Variants in FABP7 observed in about 807,000 individuals in gnomAD.
FABP7 encodes fatty acid binding protein 7.
A neutral mutation model predicts 14.2 loss-of-function variants in FABP7; 13 were observed. That is an observed-to-expected ratio of 0.91 (90% CI 0.59 to 1.45). The LOEUF (loss-of-function observed/expected upper bound fraction) is 1.45. FABP7 is among the 40% of genes most tolerant of loss of function. The probability of loss-of-function intolerance (pLI) is 0.00; values close to 1 mark genes in which losing one functional copy is unlikely to be tolerated. For synonymous variants in FABP7, 49 were observed against 51.4 expected, an observed-to-expected ratio of 0.95 and a Z score of 0.20; for missense variants, 149 against 157.6, an observed-to-expected ratio of 0.95 and a Z score of 0.29.
the FABP7 span, among the ~76,000 whole-genome samples, chr6:122,766,204 CT>C: frequency 1.3e-5 from 2 of 152,056 alleles, no homozygotes; most frequent in Non-Finnish European, 2.9e-5. Context: ...TTCCCTGAGG[CT>C]TTTTAACATA....
Position 122,780,151 on chromosome 6 carries a change from T to G in FABP7, c.74-140T>G, listed in dbSNP as rs114503946. The G allele has an allele frequency of 9.9e-4, 942 of 948,788 alleles. 10 individuals carry two copies. The African/African-American group carries it at 0.014, about 14-fold the overall frequency. The allele number at this position is 948,788 out of a possible 1,614,324, so 58.8% of individuals were successfully genotyped here. A position where few individuals can be genotyped will look rare whatever the true frequency, so the allele number is the denominator to read the frequency against. ...CATCCACTTATTATCACAGTAGTGT[T>G]TTACATGATTAATGGGCTAATCATG... is the stretch of plus-strand genomic sequence containing the variant. On this transcript the variant is annotated intron_variant, in intron 1 of 3. Coordinates refer to ENST00000368444, the MANE Select transcript of FABP7 (RefSeq NM_001446.5).
the FABP7 span, among the ~76,000 whole-genome samples, chr6:122,756,824 C>T: frequency 6.6e-6 from 1 of 152,336 alleles, no homozygotes; most frequent in South Asian, 2.1e-4. Flanking sequence ...GGTGACCACT[C>T]ACTCCTTAGA....
chr6:122,769,720 A>G, the FABP7 span, among the ~76,000 whole-genome samples: 1 of 152,132 alleles, frequency 6.6e-6, no homozygotes, highest in African/African-American at 2.4e-5. Context: ...TCTCGAATGG[A>G]GACTTCTCTG....
the FABP7 span, among the ~76,000 whole-genome samples, chr6:122,752,252 C>T: frequency 6.6e-6 from 1 of 152,322 alleles, no homozygotes; most frequent in African/African-American, 2.4e-5. Flanking sequence ...ATTGACTTCT[C>T]ATTTAGATGT....
the FABP7 span, among the ~76,000 whole-genome samples, chr6:122,770,398 A>T: frequency 6.6e-6 from 1 of 152,104 alleles, no homozygotes; most frequent in African/African-American, 2.4e-5. Context: ...ATATGGAGGC[A>T]GTCTTGGCAT....
At position 122,781,204 on chromosome 6, in the gene FABP7, G is replaced by C; in HGVS notation, c.348+10G>C. ...TGGCAAAATGGTTATGGTAAGTAAT[G>C]ACAATTCTCCATTCTTCCTTGTTTT... On this transcript the variant is annotated intron_variant, in intron 3 of 3. Coordinates refer to ENST00000368444, the MANE Select transcript of FABP7 (RefSeq NM_001446.5). The C allele has an allele frequency of 6.2e-7, 1 of 1,613,674 alleles. No homozygotes were observed. Among genetic ancestry groups the C allele is most frequent in the Non-Finnish European group, 8.5e-7 (1 of 1,179,724 alleles).
At chr6:122,757,454 C>T in the FABP7 span, among the ~76,000 whole-genome samples, 1 of 152,004 alleles carries the variant, frequency 6.6e-6, no homozygotes, top group Admixed American at 6.6e-5. Context: ...CCCTAGGCCC[C>T]TGTCCCTGTC....
At chr6:122,763,806 G>A in the FABP7 span, among the ~76,000 whole-genome samples, 8 of 152,170 alleles carry the variant, frequency 5.3e-5, no homozygotes, top group African/African-American at 1.7e-4. Context: ...ATCATCACTG[G>A]TCATCAGAGA....
At chr6:122,756,156 C>T in the FABP7 span, among the ~76,000 whole-genome samples, 1 of 152,106 alleles carries the variant, frequency 6.6e-6, no homozygotes, top group Non-Finnish European at 1.5e-5. Context: ...ACAAGCTATT[C>T]AGATAAACTC....
chr6:122,764,789 A>C, the FABP7 span, among the ~76,000 whole-genome samples: 4 of 152,158 alleles, frequency 2.6e-5, no homozygotes, highest in Non-Finnish European at 1.5e-5. Flanking sequence ...TCATTGCCTT[A>C]AAGTGTTTGC....
At chr6:122,756,167 C>T in the FABP7 span, among the ~76,000 whole-genome samples, 2 of 152,114 alleles carry the variant, frequency 1.3e-5, no homozygotes, top group Non-Finnish European at 2.9e-5. Flanking sequence ...AGATAAACTC[C>T]CCTGCATTCT....
the FABP7 span, among the ~76,000 whole-genome samples, chr6:122,774,530 G>T: frequency 3.9e-5 from 6 of 151,982 alleles, no homozygotes; most frequent in Non-Finnish European, 1.5e-5. Context: ...CTATTTGAAA[G>T]CAACCATTCT....
chr6:122,773,458 T>C, the FABP7 span, among the ~76,000 whole-genome samples: 1 of 152,208 alleles, frequency 6.6e-6, no homozygotes, highest in East Asian at 1.9e-4. Context: ...TAAATTCTTT[T>C]TGCCAACCCT....
At chr6:122,752,298 A>G in the FABP7 span, among the ~76,000 whole-genome samples, 2 of 152,226 alleles carry the variant, frequency 1.3e-5, no homozygotes, top group African/African-American at 4.8e-5. Flanking sequence ...AAGGGTGAGA[A>G]TTAGTTTTCT....
the FABP7 span, among the ~76,000 whole-genome samples, chr6:122,755,934 T>C: frequency 6.8e-4 from 103 of 151,978 alleles, no homozygotes; most frequent in African/African-American, 2.2e-3. Context: ...CTGTAAAGAG[T>C]CACAGCGGCT....
At chr6:122,779,076 G>C (rs1488491443), upstream of FABP7, among the ~76,000 whole-genome samples, 1 of 152,064 alleles carries the variant, frequency 6.6e-6, no homozygotes, top group South Asian at 2.1e-4. Context: ...TTTGTGTTGG[G>C]AAAGGACCCA....
intron 3 of FABP7, chr6:122,782,032 C>G: frequency 1.0e-6 from 1 of 984,478 alleles, no homozygotes; most frequent in Non-Finnish European, 1.2e-6. Flanking sequence ...GATTACAGGC[C>G]TGAGCCAAGG....
At chr6:122,758,761 C>T in the FABP7 span, among the ~76,000 whole-genome samples, 1 of 152,066 alleles carries the variant, frequency 6.6e-6, no homozygotes, top group African/African-American at 2.4e-5. Flanking sequence ...ATCTCATTGT[C>T]TCCACATTAT....
chr6:122,757,821 C>T, the FABP7 span, among the ~76,000 whole-genome samples: 1 of 151,942 alleles, frequency 6.6e-6, no homozygotes, highest in East Asian at 1.9e-4. Context: ...TGTTAAGGTG[C>T]CGGAATAAAA....
Sources: gnomAD v4.1 joint callset for allele counts (sites outside exome capture counted in the v4.1 genomes callset) on GRCh38, gnomAD v4.1.1 for gene constraint, MANE v1.5 for transcripts, NCBI Gene and HGNC (gene_info 2026-07-23, HGNC 2026-07-21) for gene names.